ABCB1: variants seen among roughly 807,000 people sequenced by gnomAD.
The protein encoded by ABCB1 is ATP binding cassette subfamily B member 1, also known as ATP-dependent translocase ABCB1.
ABCB1 carries 69 observed loss-of-function variants against 142.0 expected under a neutral mutation model. The ratio of observed to expected loss-of-function variants is 0.49; its 90% CI spans 0.40 to 0.59. The LOEUF is 0.59. ABCB1 is among the 20% of genes least tolerant of loss of function. The pLI, the probability that ABCB1 is intolerant of heterozygous loss-of-function variation, is 0.00. For synonymous variants in ABCB1, 532 were observed against 539.2 expected (o/e 0.99, Z 0.18); for missense variants, 1,326 against 1,554.7 (o/e 0.85, Z 2.47).
intron 8 of ABCB1, among the ~76,000 whole-genome samples, chr7:87,559,417 GT>G (rs2129766875): frequency 6.6e-6 from 1 of 151,878 alleles, no homozygotes; most frequent in Non-Finnish European, 1.5e-5. Flanking sequence ...TCTGTTACAA[GT>G]TTTCCCTATT....
intron 1 of ABCB1, among the ~76,000 whole-genome samples, chr7:87,691,986 T>G (rs1585116039): frequency 6.6e-6 from 1 of 152,320 alleles, no homozygotes; most frequent in Admixed American, 6.5e-5. Flanking sequence ...CAGATATTTC[T>G]GGTTGCTTTT....
intron 26 of ABCB1, among the ~76,000 whole-genome samples, chr7:87,507,144 T>C (rs1584827602): frequency 1.3e-5 from 2 of 152,316 alleles, no homozygotes; most frequent in East Asian, 3.9e-4. Context: ...CCTTAGGTAA[T>C]AGGACTTAGG....
rs28381829 is a variant in ABCB1, at chr7:87,584,562, G to A, written c.286+950C>T. On this transcript the variant is annotated intron_variant, in intron 4 of 27. Coordinates refer to ENST00000622132, the MANE Select transcript of ABCB1 (RefSeq NM_001348946.2). ...AGAAAGAGAGAGAGAGAGGGAGAGA[G>A]AGGAAAGAATATGTATGTTACACCC... is the stretch of plus-strand genomic sequence containing the variant. 6.3e-3 allele frequency among the ~76,000 whole-genome samples: 965 copies of A among 152,238 alleles called. 6 individuals carry two copies. Among genetic ancestry groups the A allele is most frequent in the Middle Eastern group, 0.01 (3 of 294 alleles).
At chr7:87,704,416 C>T (rs1232478947) in intron 1 of ABCB1, among the ~76,000 whole-genome samples, 1 of 152,092 alleles carries the variant, frequency 6.6e-6, no homozygotes, top group Non-Finnish European at 1.5e-5. Context: ...TATTCTAAAC[C>T]CTTTCAATAG....
rs144933300 is a variant in ABCB1, at chr7:87,550,499, T to A, written c.1193A>T (p.His398Leu). The change falls in exon 11 of 28, where the codon CAC (histidine) becomes CTC (leucine). Residue 398 changes from histidine to leucine, a missense_variant. Coordinates refer to ENST00000622132, the MANE Select transcript of ABCB1 (RefSeq NM_001348946.2). ...IKGNLEFRNVHFSYPSRKEVK... is the reference protein window; with the variant it reads ...IKGNLEFRNVLFSYPSRKEVK... ...TTCTTTTCGAGATGGGTAACTGAAG[T>A]GAACATTTCTGAATTCCAAATTTCC... 1.5e-4 allele frequency: 247 copies of A among 1,613,448 alleles called. No homozygotes were observed. Among genetic ancestry groups the A allele is most frequent in the Non-Finnish European group, 1.9e-4 (228 of 1,179,996 alleles).
chr7:87,646,891 C>T (rs962501133), intron 1 of ABCB1, among the ~76,000 whole-genome samples: 2 of 152,056 alleles, frequency 1.3e-5, no homozygotes, highest in Non-Finnish European at 2.9e-5. Flanking sequence ...CTTGACTATC[C>T]GTTAGGTACA....
chr7:87,512,769 T>G (rs566649488), intron 25 of ABCB1, among the ~76,000 whole-genome samples: 2 of 152,350 alleles, frequency 1.3e-5, no homozygotes, highest in South Asian at 4.1e-4. Context: ...GTGCACCATC[T>G]GGCAGTATTT....
chr7:87,693,706 A>C (rs1828224175), intron 1 of ABCB1, among the ~76,000 whole-genome samples: 1 of 152,206 alleles, frequency 6.6e-6, no homozygotes, highest in African/African-American at 2.4e-5. Flanking sequence ...ACAATAAGCT[A>C]CAAGGAACTA....
At chr7:87,531,588 T>C (rs982711374) in intron 20 of ABCB1, 91 bp from the exon 21 acceptor site, 1 of 1,178,548 alleles carries the variant, frequency 8.5e-7, no homozygotes, top group Non-Finnish European at 1.2e-6. Flanking sequence ...CATGAGACTA[T>C]ATTCATTATT....
intron 1 of ABCB1, among the ~76,000 whole-genome samples, chr7:87,610,961 TGAC>T (rs1302557529): frequency 6.6e-5 from 10 of 152,238 alleles, no homozygotes; most frequent in African/African-American, 2.4e-4. Flanking sequence ...TTCTCAACAA[TGAC>T]AATAACTGTC....
intron 3 of ABCB1, among the ~76,000 whole-genome samples, chr7:87,589,744 C>G (rs955336517): frequency 2.0e-5 from 3 of 149,548 alleles, no homozygotes; most frequent in African/African-American, 7.5e-5. Flanking sequence ...GTGATCATGC[C>G]ACTGTACTCC....
chr7:87,700,330 C>T, intron 1 of ABCB1: 1 of 1,139,920 alleles, frequency 8.8e-7, no homozygotes. Context: ...ACTATATTAC[C>T]TTTATTTTTC....
intron 1 of ABCB1, among the ~76,000 whole-genome samples, chr7:87,624,483 A>G (rs1820336753): frequency 1.3e-5 from 2 of 152,182 alleles, no homozygotes; most frequent in South Asian, 4.1e-4. Context: ...TGTTTCGATG[A>G]GAAGAAGGAA....
At chr7:87,657,159 T>C (rs1325867629) in intron 1 of ABCB1, among the ~76,000 whole-genome samples, 1 of 152,126 alleles carries the variant, frequency 6.6e-6, no homozygotes, top group Non-Finnish European at 1.5e-5. Context: ...GAAAGACTGG[T>C]TAAGGACACT....
At chr7:87,653,076 A>C (rs544950343) in intron 1 of ABCB1, among the ~76,000 whole-genome samples, 1 of 152,176 alleles carries the variant, frequency 6.6e-6, no homozygotes, top group East Asian at 1.9e-4. Context: ...ATTGAAGAAA[A>C]GGAGGCTTTT....
At chr7:87,530,977 G>C (rs1225872624) in intron 21 of ABCB1, among the ~76,000 whole-genome samples, 3 of 151,790 alleles carry the variant, frequency 2.0e-5, no homozygotes, top group African/African-American at 7.3e-5. Context: ...AGTGGAGAGA[G>C]AGTGAAAGTG....
At chr7:87,549,707 G>A (rs994433521) in intron 13 of ABCB1, 144 bp downstream of exon 13, 8 of 1,316,014 alleles carry the variant, frequency 6.1e-6, no homozygotes, top group African/African-American at 1.5e-5. Flanking sequence ...GATACTGCTA[G>A]AGCTTTCAAA....
intron 3 of ABCB1, among the ~76,000 whole-genome samples, chr7:87,592,123 T>A (rs1189599891): frequency 4.6e-5 from 7 of 152,122 alleles, no homozygotes; most frequent in Admixed American, 6.5e-5. Context: ...CAAAGGCCAC[T>A]TTTGTGTGTG....
chr7:87,687,993 CAT>C (rs1827640095), intron 1 of ABCB1, among the ~76,000 whole-genome samples: 1 of 152,238 alleles, frequency 6.6e-6, no homozygotes, highest in Non-Finnish European at 1.5e-5. Context: ...TCTGTAGTAA[CAT>C]ATGAACACAA....
Sources: allele counts gnomAD v4.1 joint callset (sites outside exome capture counted in the v4.1 genomes callset), GRCh38; gene constraint gnomAD v4.1.1; transcripts MANE v1.5; gene names NCBI Gene and HGNC (gene_info 2026-07-23, HGNC 2026-07-21).